The following UBAC1 variants were observed in gnomAD, a reference collection of about 807,000 sequenced individuals.
The protein encoded by UBAC1 is UBA domain containing 1.
In UBAC1, 27 loss-of-function variants were observed where a neutral mutation model predicts 45.9. That is an observed-to-expected ratio of 0.59 (90% CI 0.43 to 0.81). The LOEUF is 0.81. Ranked by LOEUF, UBAC1 falls within the 30% of genes least tolerant of loss-of-function variation. The probability of loss-of-function intolerance (pLI) is 0.00; values close to 1 mark genes in which losing one functional copy is unlikely to be tolerated. For synonymous variants in UBAC1, 227 were observed against 215.5 expected (o/e 1.05, Z -0.47); for missense variants, 529 against 539.2 (o/e 0.98, Z 0.19).
At chr9:135,940,855 T>G (rs867515076) in intron 7 of UBAC1, among the ~76,000 whole-genome samples, 1 of 152,194 alleles carries the variant, frequency 6.6e-6, no homozygotes, top group African/African-American at 2.4e-5. Flanking sequence ...TCCCACTCTC[T>G]TGAAGCCCCC....
chr9:135,960,556 C>T lies in UBAC1; in HGVS notation c.138+469G>A, dbSNP rs544653192. On this transcript the variant is annotated intron_variant, in intron 1 of 9. Coordinates refer to ENST00000371756, the MANE Select transcript of UBAC1 (RefSeq NM_016172.3). Reference sequence around the variant, plus strand: ...GAGAAGGGGCCTCTTCATGAAGGAGCCTACGTTAATTCTCAGCTCTCAAAG... The same window carrying T: ...GAGAAGGGGCCTCTTCATGAAGGAGTCTACGTTAATTCTCAGCTCTCAAAG... Among the ~76,000 whole-genome samples, 28 of 151,310 alleles carry T rather than the reference C, an allele frequency of 1.9e-4. No homozygotes were observed. In the South Asian group the frequency reaches 2.5e-3, roughly 14 times the overall value.
At chr9:135,948,209 C>A (rs897913667) in intron 3 of UBAC1, among the ~76,000 whole-genome samples, 1 of 152,186 alleles carries the variant, frequency 6.6e-6, no homozygotes, top group Non-Finnish European at 1.5e-5. Context: ...GCAAGGGAGG[C>A]GACTCCAGAA....
intron 2 of UBAC1, 89 bp from the exon 3 acceptor site, chr9:135,953,842 G>A (rs1485780904): frequency 8.6e-7 from 1 of 1,164,118 alleles, no homozygotes; most frequent in Non-Finnish European, 1.2e-6. Flanking sequence ...CCTGAGAACA[G>A]AACAGCAGGG....
chr9:135,947,745 AT>A, intron 4 of UBAC1, 52 bp downstream of exon 4: 1 of 1,478,918 alleles, frequency 6.8e-7, no homozygotes, highest in Non-Finnish European at 9.2e-7. Context: ...CCCCACAGCA[AT>A]CCCCCACACG....
intron 8 of UBAC1, 60 bp downstream of exon 8, chr9:135,939,613 T>A: frequency 6.7e-7 from 1 of 1,484,078 alleles, no homozygotes; most frequent in Non-Finnish European, 9.2e-7. Flanking sequence ...AGCCCACACT[T>A]ACCACAGCCC....
intron 7 of UBAC1, 38 bp from the exon 8 acceptor site, chr9:135,939,797 C>T: frequency 1.3e-6 from 2 of 1,585,446 alleles, no homozygotes; most frequent in South Asian, 2.3e-5. Flanking sequence ...CTGGGGGCGG[C>T]AGGAGGCCGA....
At position 135,945,982 on chromosome 9, in the gene UBAC1, T is replaced by A. The variant is rs768101590; in HGVS notation, c.560A>T (p.Asp187Val). The A allele has an allele frequency of 2.5e-6, 4 of 1,613,836 alleles. No individual in the cohort carries two copies. The highest frequency in any genetic ancestry group is 1.7e-6 in the Non-Finnish European group (2 of 1,180,024). The change falls in exon 6 of 10, where the codon GAC (aspartate) becomes GTC (valine). Residue 187 changes from aspartate to valine, a missense_variant. Coordinates refer to ENST00000371756, the MANE Select transcript of UBAC1 (RefSeq NM_016172.3). The stretch of plus-strand genomic sequence containing the variant: ...AGCCTCGTCCACACGCTCATCCTCG[T>A]CCTCGTCCAGCATTGCTGCAGGGAG... ...FKKANAMLDE[D>V]EDERVDEAAL...
At chr9:135,937,313 C>G (rs902190478) in intron 9 of UBAC1, among the ~76,000 whole-genome samples, 1 of 151,906 alleles carries the variant, frequency 6.6e-6, no homozygotes, top group African/African-American at 2.4e-5. Context: ...TGGTAGTGCA[C>G]GCCTGTAATC....
At chr9:135,949,861 GC>G (rs1322308428) in intron 3 of UBAC1, among the ~76,000 whole-genome samples, 2 of 152,180 alleles carry the variant, frequency 1.3e-5, no homozygotes, top group Non-Finnish European at 2.9e-5. Flanking sequence ...TCCTTGGTGG[GC>G]CTCAACTAAT....
At chr9:135,949,871 A>C (rs1294733364) in intron 3 of UBAC1, among the ~76,000 whole-genome samples, 1 of 152,118 alleles carries the variant, frequency 6.6e-6, no homozygotes, top group Non-Finnish European at 1.5e-5. Flanking sequence ...GCCTCAACTA[A>C]TCAGGCAGGT....
At chr9:135,953,000 G>A (rs926530329) in intron 3 of UBAC1, among the ~76,000 whole-genome samples, 5 of 152,200 alleles carry the variant, frequency 3.3e-5, no homozygotes, top group East Asian at 3.9e-4. Flanking sequence ...ACTTTCCTCC[G>A]TTTTTCTGTC....
intron 9 of UBAC1, among the ~76,000 whole-genome samples, chr9:135,934,565 CAGG>C (rs1839182880): frequency 6.6e-6 from 1 of 152,292 alleles, no homozygotes; most frequent in East Asian, 1.9e-4. Flanking sequence ...AAGGCTGAGG[CAGG>C]AGAATAGCAT....
In UBAC1 at chr9:135,936,134, C is replaced by T. The variant is rs145565363; in HGVS notation, c.1102+2088G>A. ...GGGGCAGATCTTGCATGGACAGTGGCGCCATCACTGCACTCTAGCCTGGGT... is the reference window on the plus strand; with the variant it reads ...GGGGCAGATCTTGCATGGACAGTGGTGCCATCACTGCACTCTAGCCTGGGT... On this transcript the variant is annotated intron_variant, in intron 9 of 9. Transcript: ENST00000371756. Among the ~76,000 whole-genome samples the T allele has an allele frequency of 7.9e-3, 1,192 of 150,684 alleles. 9 individuals are homozygous for T. The highest frequency in any genetic ancestry group is 0.027 in the African/African-American group (1,119 of 40,970).
At chr9:135,933,553 C>T (rs1167623243) in intron 9 of UBAC1, 38 bp from the exon 10 acceptor site, 3 of 1,459,642 alleles carry the variant, frequency 2.1e-6, no homozygotes, top group Admixed American at 3.3e-5. Flanking sequence ...TGCCCACGCC[C>T]CCACTCAGCC....
At chr9:135,939,444 ACACT>A (rs1013947066) in intron 8 of UBAC1, among the ~76,000 whole-genome samples, 10 of 151,786 alleles carry the variant, frequency 6.6e-5, no homozygotes, top group African/African-American at 2.4e-4. Flanking sequence ...CCAGCCTGAC[ACACT>A]CACTCACCAC....
At chr9:135,946,571 TG>T (rs1360731327) in intron 4 of UBAC1, among the ~76,000 whole-genome samples, 200 bp from the exon 5 acceptor site, 6 of 152,086 alleles carry the variant, frequency 3.9e-5, no homozygotes, top group Non-Finnish European at 8.8e-5. Context: ...CTGAAGCCAG[TG>T]GAAAGGGACA....
chr9:135,945,470 A>C (rs754784851), intron 6 of UBAC1: 1 of 527,870 alleles, frequency 1.9e-6, no homozygotes, highest in Non-Finnish European at 3.3e-6. Context: ...GCCCATGTCT[A>C]AGGAGAGGCA....
chr9:135,934,125 G>C (rs952978577), intron 9 of UBAC1, among the ~76,000 whole-genome samples: 4 of 152,194 alleles, frequency 2.6e-5, no homozygotes, highest in Admixed American at 6.5e-5. Flanking sequence ...CCCTCTGCCA[G>C]GATCGATGGC....
chr9:135,938,139 C>A, intron 9 of UBAC1, 83 bp downstream of exon 9: 1 of 1,550,108 alleles, frequency 6.5e-7, no homozygotes, highest in South Asian at 1.2e-5. Flanking sequence ...TCCTCCGTAT[C>A]GCCTCCGCAG....
Sources: allele counts gnomAD v4.1 joint callset (sites outside exome capture counted in the v4.1 genomes callset), GRCh38; gene constraint gnomAD v4.1.1; transcripts MANE v1.5; gene names NCBI Gene and HGNC (gene_info 2026-07-23, HGNC 2026-07-21).